Variants in CLYBL observed in about 807,000 individuals in gnomAD.
The protein encoded by CLYBL is citramalyl-CoA lyase.
CLYBL carries 31 observed loss-of-function variants against 38.9 expected under a neutral mutation model. That is an observed-to-expected ratio of 0.80 (90% confidence interval 0.60 to 1.08). CLYBL has a LOEUF of 1.08. Ranked by LOEUF, CLYBL falls within the 50% of genes least tolerant of loss-of-function variation. CLYBL has a pLI of 0.00. For synonymous variants in CLYBL, 171 were observed against 158.6 expected (o/e 1.08, Z -0.59); for missense variants, 434 against 411.6 (o/e 1.05, Z -0.47).
At chr13:99,628,612 TA>T (rs2046901610) in intron 1 of CLYBL, among the ~76,000 whole-genome samples, 1 of 152,212 alleles carries the variant, frequency 6.6e-6, no homozygotes. Flanking sequence ...TTTCATACTT[TA>T]AGACACTGGA....
At chr13:99,771,366 T>C (rs1242461852) in intron 1 of CLYBL, among the ~76,000 whole-genome samples, 1 of 152,184 alleles carries the variant, frequency 6.6e-6, no homozygotes, top group East Asian at 1.9e-4. Flanking sequence ...ATTGGCAGTC[T>C]TCATGACATA....
chr13:99,750,092 G>T (rs1211578856), intron 1 of CLYBL, among the ~76,000 whole-genome samples: 1 of 152,170 alleles, frequency 6.6e-6, no homozygotes, highest in Non-Finnish European at 1.5e-5. Flanking sequence ...CATTGGAATT[G>T]CCAGACGAGG....
intron 1 of CLYBL, among the ~76,000 whole-genome samples, chr13:99,633,021 C>T (rs933883372): frequency 6.6e-6 from 1 of 151,898 alleles, no homozygotes; most frequent in African/African-American, 2.4e-5. Flanking sequence ...GGGTGGATCA[C>T]TTGAGGCCAG....
intron 2 of CLYBL, among the ~76,000 whole-genome samples, chr13:99,773,370 G>T: frequency 6.6e-6 from 1 of 152,208 alleles, no homozygotes; most frequent in Admixed American, 6.5e-5. Flanking sequence ...CACAATACAG[G>T]CCTGTTAGGA....
chr13:99,637,958 G>C (rs1412645301), intron 1 of CLYBL, among the ~76,000 whole-genome samples: 1 of 64,578 alleles, frequency 1.5e-5, no homozygotes, highest in Non-Finnish European at 3.0e-5. Flanking sequence ...CAAGTCAACA[G>C]TGCCTTTTTT....
At chr13:99,880,770 C>G (rs1329342665) in intron 7 of CLYBL, among the ~76,000 whole-genome samples, 1 of 152,252 alleles carries the variant, frequency 6.6e-6, no homozygotes. Context: ...ACACAAGAGG[C>G]CTCCCTTCCG....
At chr13:99,854,683 G>C (rs2051415311) in intron 2 of CLYBL, among the ~76,000 whole-genome samples, 1 of 152,066 alleles carries the variant, frequency 6.6e-6, no homozygotes, top group African/African-American at 2.4e-5. Flanking sequence ...TTAGTTATTA[G>C]CTTTAATGGG....
chr13:99,615,491 G>A (rs2046694904), intron 1 of CLYBL, among the ~76,000 whole-genome samples: 1 of 152,154 alleles, frequency 6.6e-6, no homozygotes, highest in African/African-American at 2.4e-5. Context: ...AGTGCAGCTG[G>A]AGCTGTGTTC....
chr13:99,841,339 G>A (rs773452114), intron 2 of CLYBL, among the ~76,000 whole-genome samples: 6 of 152,278 alleles, frequency 3.9e-5, no homozygotes, highest in Admixed American at 6.5e-5. Context: ...CTTAAGGTTC[G>A]TGACTGAGGT....
At chr13:99,733,389 C>T (rs1041662407) in intron 1 of CLYBL, among the ~76,000 whole-genome samples, 6 of 152,164 alleles carry the variant, frequency 3.9e-5, no homozygotes, top group Admixed American at 6.5e-5. Flanking sequence ...ATGAACCCGT[C>T]GTAATTTGAA....
chr13:99,766,154 A>G (rs888962327), intron 1 of CLYBL, among the ~76,000 whole-genome samples: 1 of 152,086 alleles, frequency 6.6e-6, no homozygotes, highest in Admixed American at 6.5e-5. Context: ...CATTTGGCAA[A>G]TTTGGTCTTT....
chr13:99,630,032 A>G (rs1268788122), intron 1 of CLYBL, among the ~76,000 whole-genome samples: 1 of 151,290 alleles, frequency 6.6e-6, no homozygotes. Context: ...CATATCTGAG[A>G]AGTGCCCGAA....
At chr13:99,654,601 T>C (rs1286746988) in intron 1 of CLYBL, among the ~76,000 whole-genome samples, 1 of 152,154 alleles carries the variant, frequency 6.6e-6, no homozygotes, top group Admixed American at 6.5e-5. Flanking sequence ...GTGTACAGGG[T>C]ATTGGGTGAA....
chr13:99,888,719 A>G (rs186722800), intron 7 of CLYBL, among the ~76,000 whole-genome samples: 4 of 152,346 alleles, frequency 2.6e-5, no homozygotes, highest in African/African-American at 4.8e-5. Flanking sequence ...ACTGCACTCC[A>G]GCCTGAGCAA....
At chr13:99,701,982 CT>C in intron 1 of CLYBL, among the ~76,000 whole-genome samples, 1 of 152,322 alleles carries the variant, frequency 6.6e-6, no homozygotes, top group East Asian at 1.9e-4. Flanking sequence ...GTGATACCCC[CT>C]CTCCCCTGTA....
intron 1 of CLYBL, among the ~76,000 whole-genome samples, chr13:99,640,016 A>G (rs2139263869): frequency 6.6e-6 from 1 of 152,358 alleles, no homozygotes; most frequent in South Asian, 2.1e-4. Flanking sequence ...TGATTGTCAT[A>G]TACATAGTTG....
chr13:99,891,269 C>G, intron 7 of CLYBL, 49 bp from the exon 8 acceptor site: 1 of 1,340,048 alleles, frequency 7.5e-7, no homozygotes, highest in Non-Finnish European at 1.1e-6. Context: ...GAAAGGAAAC[C>G]TATAATTTCG....
At chr13:99,769,584 T>G (rs1204385163) in intron 1 of CLYBL, among the ~76,000 whole-genome samples, 3 of 152,266 alleles carry the variant, frequency 2.0e-5, no homozygotes, top group Non-Finnish European at 1.5e-5. Flanking sequence ...GTTTTTTCCC[T>G]GTTTTTAGAT....
intron 2 of CLYBL, among the ~76,000 whole-genome samples, chr13:99,790,188 C>T (rs1019626184): frequency 1.5e-4 from 23 of 152,202 alleles, no homozygotes; most frequent in African/African-American, 5.1e-4. Context: ...GAGCATTTAG[C>T]CCATTTACAT....
Sources: gnomAD v4.1 joint callset for allele counts (sites outside exome capture counted in the v4.1 genomes callset) on GRCh38, gnomAD v4.1.1 for gene constraint, MANE v1.5 for transcripts, NCBI Gene and HGNC (gene_info 2026-07-23, HGNC 2026-07-21) for gene names.